VOPP1: variants seen among roughly 807,000 people sequenced by gnomAD.
VOPP1 encodes VOPP1 WW domain binding protein.
Under a neutral mutation model 23.5 loss-of-function variants are expected in VOPP1, and 8 were observed. The ratio of observed to expected loss-of-function variants is 0.34; its 90% CI spans 0.20 to 0.61. VOPP1 has a LOEUF of 0.61. Among genes scored for constraint, VOPP1 ranks in the 20% least tolerant of loss-of-function variants. The pLI is 0.78. For synonymous variants in VOPP1, 83 were observed against 97.3 expected (o/e 0.85, Z 0.86); for missense variants, 174 against 238.1 (o/e 0.73, Z 1.77).
At chr7:55,483,936 T>C (rs1792933792) in intron 4 of VOPP1, among the ~76,000 whole-genome samples, 1 of 152,202 alleles carries the variant, frequency 6.6e-6, no homozygotes, top group Non-Finnish European at 1.5e-5. Flanking sequence ...TTTGTATTTT[T>C]AGTAGAGACA....
chr7:55,482,295 A>G (rs1792777416), intron 4 of VOPP1, among the ~76,000 whole-genome samples: 1 of 152,000 alleles, frequency 6.6e-6, no homozygotes, highest in African/African-American at 2.4e-5. Context: ...TATCCATTAC[A>G]AAAAAGAACC....
intron 1 of VOPP1, among the ~76,000 whole-genome samples, chr7:55,526,016 A>C (rs141663107): frequency 1.2e-3 from 178 of 152,352 alleles, no homozygotes; most frequent in Middle Eastern, 3.4e-3. Flanking sequence ...CTCAGTTTTC[A>C]GGATGTTGTC....
intron 2 of VOPP1, among the ~76,000 whole-genome samples, chr7:55,513,886 A>G (rs1368824141): frequency 6.6e-6 from 1 of 152,228 alleles, no homozygotes; most frequent in Non-Finnish European, 1.5e-5. Context: ...ATTCATTTCA[A>G]TTCACAGTAA....
intron 1 of VOPP1, among the ~76,000 whole-genome samples, chr7:55,557,519 C>G (rs1331268342): frequency 2.6e-5 from 4 of 151,754 alleles, no homozygotes. Flanking sequence ...GCTCTTATGT[C>G]TGTTTATATT....
At chr7:55,439,016 C>T (rs770956705) in intron 4 of VOPP1, among the ~76,000 whole-genome samples, 1 of 151,972 alleles carries the variant, frequency 6.6e-6, no homozygotes, top group African/African-American at 2.4e-5. Context: ...CTGGGAGGGC[C>T]GGGCTGAGAT....
At chr7:55,453,055 G>A (rs79354644) in intron 4 of VOPP1, among the ~76,000 whole-genome samples, 1 of 76,844 alleles carries the variant, frequency 1.3e-5, no homozygotes, top group Non-Finnish European at 3.1e-5. Flanking sequence ...TGTAAACTCT[G>A]TTGTCGAGTG....
chr7:55,451,520 A>G (rs940721616), intron 4 of VOPP1, among the ~76,000 whole-genome samples: 3 of 152,228 alleles, frequency 2.0e-5, no homozygotes, highest in African/African-American at 7.2e-5. Flanking sequence ...GGCCGGATGT[A>G]GTGGCTCACG....
chr7:55,441,687 G>A (rs189234553), intron 4 of VOPP1, among the ~76,000 whole-genome samples: 139 of 152,278 alleles, frequency 9.1e-4, no homozygotes, highest in African/African-American at 3.3e-3. Context: ...CTGTAGCTGC[G>A]CCCCATCAGA....
intron 1 of VOPP1, among the ~76,000 whole-genome samples, chr7:55,563,498 T>C (rs1798055739): frequency 2.0e-5 from 3 of 152,218 alleles, no homozygotes; most frequent in Non-Finnish European, 4.4e-5. Flanking sequence ...GAGTATCCTT[T>C]ACCTGAGATG....
chr7:55,501,795 G>C (rs952553425), intron 2 of VOPP1, among the ~76,000 whole-genome samples: 1 of 152,048 alleles, frequency 6.6e-6, no homozygotes, highest in Admixed American at 6.5e-5. Context: ...CTGCAGCTTA[G>C]GGGGAACTGG....
At chr7:55,457,621 T>A (rs1469534675) in intron 4 of VOPP1, among the ~76,000 whole-genome samples, 1 of 147,282 alleles carries the variant, frequency 6.8e-6, no homozygotes, top group East Asian at 1.9e-4. Flanking sequence ...TTGCCAGCAT[T>A]TTTTTTTTGG....
At chr7:55,452,640 G>T (rs1013183947) in intron 4 of VOPP1, among the ~76,000 whole-genome samples, 4 of 152,240 alleles carry the variant, frequency 2.6e-5, no homozygotes, top group Non-Finnish European at 5.9e-5. Context: ...ATGTGTGTTA[G>T]CAGGCATGAA....
At chr7:55,564,289 C>G (rs987769145) in intron 1 of VOPP1, among the ~76,000 whole-genome samples, 1 of 150,852 alleles carries the variant, frequency 6.6e-6, no homozygotes, top group Non-Finnish European at 1.5e-5. Flanking sequence ...CTCTCTCACT[C>G]TCCTCTTCTC....
intron 2 of VOPP1, among the ~76,000 whole-genome samples, chr7:55,512,567 A>G (rs995643104): frequency 6.6e-6 from 1 of 152,212 alleles, no homozygotes; most frequent in East Asian, 1.9e-4. Flanking sequence ...GATAAATCCA[A>G]CAAGAACTGA....
chr7:55,550,858 C>T (rs1797577088), intron 1 of VOPP1, among the ~76,000 whole-genome samples: 1 of 152,134 alleles, frequency 6.6e-6, no homozygotes, highest in Admixed American at 6.5e-5. Context: ...AATTATTCCA[C>T]AATTAGAATG....
At chr7:55,448,993 A>C (rs1791172546) in intron 4 of VOPP1, among the ~76,000 whole-genome samples, 1 of 152,220 alleles carries the variant, frequency 6.6e-6, no homozygotes, top group Admixed American at 6.5e-5. Context: ...AATACCATGA[A>C]AAATATTGGA....
At chr7:55,493,630 C>A (rs1158079368) in intron 3 of VOPP1, among the ~76,000 whole-genome samples, 1 of 152,180 alleles carries the variant, frequency 6.6e-6, no homozygotes, top group Non-Finnish European at 1.5e-5. Flanking sequence ...TTCAGCAAGT[C>A]ATCTTCAGGT....
At chr7:55,461,339 C>A (rs1045121453) in intron 4 of VOPP1, among the ~76,000 whole-genome samples, 1 of 152,086 alleles carries the variant, frequency 6.6e-6, no homozygotes, top group East Asian at 1.9e-4. Flanking sequence ...CAATAAAGAA[C>A]TTAATAATGT....
At chr7:55,519,852 G>T (rs558018670) in intron 2 of VOPP1, among the ~76,000 whole-genome samples, 139 of 152,336 alleles carry the variant, frequency 9.1e-4, no homozygotes, top group Middle Eastern at 3.4e-3. Flanking sequence ...AAGAGGCTGG[G>T]CGAGGTGACT....
Sources: allele counts gnomAD v4.1 joint callset (sites outside exome capture counted in the v4.1 genomes callset), GRCh38; gene constraint gnomAD v4.1.1; transcripts MANE v1.5; gene names NCBI Gene and HGNC (gene_info 2026-07-23, HGNC 2026-07-21).